EXOSC10: variants seen among roughly 807,000 people sequenced by gnomAD.
EXOSC10 encodes the protein exosome complex component 10.
A neutral mutation model predicts 126.6 loss-of-function variants in EXOSC10; 94 were observed. The ratio of observed to expected loss-of-function variants is 0.74; its 90% confidence interval spans 0.63 to 0.88. The LOEUF (loss-of-function observed/expected upper bound fraction) is 0.88, where lower values mean the gene tolerates loss of function less well. Ranked by LOEUF, EXOSC10 falls within the 40% of genes least tolerant of loss-of-function variation. The pLI is 0.00. For synonymous variants in EXOSC10, 395 were observed against 400.8 expected, an observed-to-expected ratio of 0.99 and a Z score of 0.17; for missense variants, 1,041 against 1,100.5, an observed-to-expected ratio of 0.95 and a Z score of 0.77.
intron 9 of EXOSC10, among the ~76,000 whole-genome samples, chr1:11,087,197 T>C (rs1640544724): frequency 6.6e-6 from 1 of 152,118 alleles, no homozygotes; most frequent in Non-Finnish European, 1.5e-5. Context: ...GTCCAAACAA[T>C]CTTGATGGCT....
chr1:11,079,098 AGGT>A (rs1202431752), intron 14 of EXOSC10, among the ~76,000 whole-genome samples: 1 of 152,086 alleles, frequency 6.6e-6, no homozygotes, highest in African/African-American at 2.4e-5. Context: ...TGGGAGGCCC[AGGT>A]GGTGGATCAC....
At chr1:11,091,429 A>G in intron 4 of EXOSC10, 64 bp downstream of exon 4, 1 of 1,407,130 alleles carries the variant, frequency 7.1e-7, no homozygotes, top group South Asian at 1.2e-5. Context: ...TGCATGTTAG[A>G]ATGAGCAAAA....
intron 14 of EXOSC10, among the ~76,000 whole-genome samples, chr1:11,078,577 A>G (rs1639959918): frequency 6.6e-6 from 1 of 152,186 alleles, no homozygotes; most frequent in South Asian, 2.1e-4. Flanking sequence ...CAAAACAACA[A>G]CAACAACAAA....
intron 19 of EXOSC10, among the ~76,000 whole-genome samples, chr1:11,073,394 A>T (rs1237383742): frequency 6.6e-6 from 1 of 152,148 alleles, no homozygotes; most frequent in Non-Finnish European, 1.5e-5. Flanking sequence ...GGCCTCTCAA[A>T]GTGCTGGGAT....
Position 11,070,799 on chromosome 1 carries a change from T to C in EXOSC10, c.2316+101A>G, listed in dbSNP as rs2100947949. 5 of 1,051,130 alleles carry C rather than the reference T, an allele frequency of 4.8e-6. No individual in the cohort carries two copies. In the East Asian group the frequency reaches 1.2e-4, roughly 25 times the overall value. 65.1% of individuals were successfully genotyped at this position (1,051,130 alleles called of 1,614,324 possible). On this transcript the variant is annotated intron_variant, in intron 21 of 24. Coordinates refer to ENST00000376936, the MANE Select transcript of EXOSC10 (RefSeq NM_001001998.3). ...GAACCGGAAAGAAGTCAGGACTTAATATAAAGCACAGGGCAAGCCCCCTAA... is the reference window on the plus strand; with the variant it reads ...GAACCGGAAAGAAGTCAGGACTTAACATAAAGCACAGGGCAAGCCCCCTAA...
chr1:11,077,295 C>A, intron 16 of EXOSC10, 70 bp downstream of exon 16: 3 of 1,517,016 alleles, frequency 2.0e-6, no homozygotes, highest in Non-Finnish European at 2.7e-6. Flanking sequence ...CCGGCCAAGC[C>A]TACAGAATTT....
At chr1:11,097,210 C>G (rs1389406801) in intron 2 of EXOSC10, among the ~76,000 whole-genome samples, 1 of 150,038 alleles carries the variant, frequency 6.7e-6, no homozygotes, top group Non-Finnish European at 1.5e-5. Context: ...ACTCCGTACT[C>G]CCCCCCAACA....
At chr1:11,070,838 G>C (rs950948952) in intron 21 of EXOSC10, 62 bp downstream of exon 21, 1 of 1,443,020 alleles carries the variant, frequency 6.9e-7, no homozygotes, top group South Asian at 1.2e-5. Flanking sequence ...ATCCAAGGAA[G>C]ATCCTGACCA....
At chr1:11,097,936 A>T in intron 2 of EXOSC10, 84 bp downstream of exon 2, 3 of 1,340,322 alleles carry the variant, frequency 2.2e-6, no homozygotes, top group Non-Finnish European at 2.9e-6. Flanking sequence ...ATGTTTAAGG[A>T]AAAATAAATT....
Position 11,086,217 on chromosome 1 carries a change from T to G in EXOSC10, c.1089+1231A>C, listed in dbSNP as rs529124356. 7.8e-3 allele frequency among the ~76,000 whole-genome samples: 1,193 copies of G among 152,094 alleles called. 22 individuals are homozygous for G. Among genetic ancestry groups the G allele is most frequent in the African/African-American group, 0.027 (1,128 of 41,460 alleles). ...AATGGTACCAGTTCCTCCTTGTACC[T>G]CTGGTAGAATTCGGCTGTGAATCCA... On this transcript the variant is annotated intron_variant, in intron 9 of 24. Transcript: ENST00000376936.
At position 11,080,932 on chromosome 1, in the gene EXOSC10, A is replaced by G. The variant is rs895129776; in HGVS notation, c.1438-20T>C. 3.8e-6 allele frequency: 6 copies of G among 1,590,476 alleles called. 1 individual carries two copies. In the African/African-American group the frequency reaches 8.1e-5, roughly 22 times the overall value. On this transcript the variant is annotated intron_variant, in intron 11 of 24. Coordinates refer to ENST00000376936, the MANE Select transcript of EXOSC10 (RefSeq NM_001001998.3). ...GAATTTCTACAAAGTATTAGAGAAC[A>G]TTCAAAATCAACGGGAATCAAAATT...
chr1:11,077,462 G>T lies in EXOSC10; in HGVS notation c.1801-19C>A. The T allele has an allele frequency of 1.2e-6, 2 of 1,610,590 alleles. No homozygotes were observed. The highest frequency in any genetic ancestry group is 1.7e-6 in the Non-Finnish European group (2 of 1,176,776). On this transcript the variant is annotated intron_variant, in intron 15 of 24. Coordinates refer to ENST00000376936, the MANE Select transcript of EXOSC10 (RefSeq NM_001001998.3). Reference sequence around the variant, plus strand: ...CCAATCTCTGCATTAAAAGACACCAGCAGGCTGGCATGTAAAACGTGCAAG... The same window carrying T: ...CCAATCTCTGCATTAAAAGACACCATCAGGCTGGCATGTAAAACGTGCAAG...
chr1:11,076,040 C>T (rs1198177662), intron 17 of EXOSC10, among the ~76,000 whole-genome samples: 1 of 151,690 alleles, frequency 6.6e-6, no homozygotes, highest in African/African-American at 2.4e-5. Context: ...TGGCGGGCGC[C>T]TGCAATCCCA....
At chr1:11,088,080 T>C (rs1640600412) in intron 7 of EXOSC10, 43 bp downstream of exon 7, 1 of 1,486,138 alleles carries the variant, frequency 6.7e-7, no homozygotes, top group Admixed American at 1.8e-5. Context: ...TGATTCCTCT[T>C]GGGCTACTAC....
intron 6 of EXOSC10, among the ~76,000 whole-genome samples, chr1:11,089,881 C>A (rs911639847): frequency 5.1e-4 from 78 of 152,056 alleles, no homozygotes; most frequent in African/African-American, 1.7e-3. Context: ...GAGGTAAAGG[C>A]TGTAGTGAGC....
chr1:11,069,244 T>TGTGTGTGTGTGTGTGAGAGAGAGAGA lies in EXOSC10; in HGVS notation c.2488+314_2488+315insTCTCTCTCTCTCACACACACACACAC. ...ACAAAATTCTGTGTGTGTGTGTGTGTGAGAGAGAGAGAGAGGGTTTATGGG... is the reference window on the plus strand; with the variant it reads ...ACAAAATTCTGTGTGTGTGTGTGTGTGTGTGTGTGTGTGTGAGAGAGAGAGAGAGAGAGAGAGAGAGGGTTTATGGG... On this transcript the variant is annotated intron_variant, in intron 22 of 24. Coordinates refer to ENST00000376936, the MANE Select transcript of EXOSC10 (RefSeq NM_001001998.3). Among the ~76,000 whole-genome samples the TGTGTGTGTGTGTGTGAGAGAGAGAGA allele has an allele frequency of 2.6e-3, 304 of 116,890 alleles. 1 individual carries two copies. The highest frequency in any genetic ancestry group is 4.8e-3 in the Non-Finnish European group (246 of 50,886). The allele number at this position is 116,890 out of a possible 152,430, so 76.7% of individuals were successfully genotyped here.
intron 19 of EXOSC10, 103 bp downstream of exon 19, chr1:11,073,831 T>C: frequency 5.9e-6 from 5 of 852,482 alleles, no homozygotes; most frequent in South Asian, 3.3e-5. Context: ...TGAGTCAAGA[T>C]TGTGCCTCTG....
At chr1:11,072,030 G>T in intron 20 of EXOSC10, 57 bp downstream of exon 20, 1 of 1,392,926 alleles carries the variant, frequency 7.2e-7, no homozygotes, top group Non-Finnish European at 1.0e-6. Context: ...CTGAAACAGC[G>T]GGTGTGCAAC....
chr1:11,077,489 C>T (rs188034988), intron 15 of EXOSC10, 46 bp from the exon 16 acceptor site: 25 of 1,597,636 alleles, frequency 1.6e-5, no homozygotes, highest in South Asian at 5.5e-5. Flanking sequence ...ACGTGCAAGC[C>T]GGCAGTAGCT....
Sources: allele counts gnomAD v4.1 joint callset (sites outside exome capture counted in the v4.1 genomes callset), GRCh38; gene constraint gnomAD v4.1.1; transcripts MANE v1.5; gene names NCBI Gene and HGNC (gene_info 2026-07-23, HGNC 2026-07-21).